Variants in SLC25A25 observed in about 807,000 individuals in gnomAD.
SLC25A25 encodes the protein mitochondrial adenyl nucleotide antiporter SLC25A25.
A neutral mutation model predicts 57.7 loss-of-function variants in SLC25A25; 32 were observed. The ratio of observed to expected loss-of-function variants is 0.55; its 90% CI spans 0.42 to 0.74. SLC25A25 has a LOEUF of 0.74. SLC25A25 is among the 30% of genes least tolerant of loss of function. SLC25A25 has a pLI of 0.00. For missense variants in SLC25A25, 556 were observed against 701.3 expected (o/e 0.79, Z 2.34); for synonymous variants, 306 against 291.2 (o/e 1.05, Z -0.52).
In SLC25A25 at chr9:128,106,926, C is replaced by T. The variant is rs113048465; in HGVS notation, c.1213-103C>T. 72 of 1,411,400 alleles carry T rather than the reference C, an allele frequency of 5.1e-5. No homozygotes were observed. The East Asian group carries it at 9.4e-4, about 19-fold the overall frequency. 87.4% of individuals were successfully genotyped at this position (1,411,400 alleles called of 1,614,324 possible). On this transcript the variant is annotated intron_variant, in intron 9 of 10. Transcript: ENST00000373069. ...TAGGAGCCCAGCCAGGCCCCAGGCG[C>T]GGCAGTCGGGTTCCAGTGGCCTGAG... is the stretch of plus-strand genomic sequence containing the variant.
At chr9:128,091,392 A>G in intron 1 of SLC25A25, 1 of 974,910 alleles carries the variant, frequency 1.0e-6, no homozygotes, top group South Asian at 4.7e-5. Flanking sequence ...TAGTGTCGGC[A>G]GAGGTGATTG....
chr9:128,076,480 T>A (rs1588748978), intron 1 of SLC25A25, among the ~76,000 whole-genome samples: 2 of 138,512 alleles, frequency 1.4e-5, no homozygotes, highest in South Asian at 4.5e-4. Context: ...TTTTATTTTT[T>A]TTTGAGACAG....
Position 128,107,425 on chromosome 9 carries a change from T to C in SLC25A25, c.1529T>C (p.Leu510Pro), listed in dbSNP as rs1834097045. The stretch of plus-strand genomic sequence containing the variant: ...GTCTACGAGAACCTGAAGATCACCC[T>C]GGGCGTGCAGTCGCGGTGACGGGGG... ...YVVYENLKIT[L>P]GVQSR Residue 510 changes from leucine (L) to proline (P), a missense_variant, in exon 11 of 11, where the codon CTG becomes CCG. This residue lies in a region of SLC25A25 where 294 missense variants were observed against 389.6 expected (regional missense o/e 0.75). Transcript: ENST00000373069. 1 of 1,507,552 alleles carries C rather than the reference T, an allele frequency of 6.6e-7. No individual in the cohort carries two copies. The highest frequency in any genetic ancestry group is 1.4e-5 in the African/African-American group (1 of 71,510). 93.4% of individuals were successfully genotyped at this position (1,507,552 alleles called of 1,614,324 possible). A position where few individuals can be genotyped will look rare whatever the true frequency, so the allele number is the denominator to read the frequency against.
At chr9:128,091,501 T>A in intron 1 of SLC25A25, 1 of 988,688 alleles carries the variant, frequency 1.0e-6, no homozygotes, top group African/African-American at 1.7e-5. Context: ...CGAAGTTGCT[T>A]GCTGCCTCCG....
At chr9:128,074,048 T>TG (rs1554731076) in intron 1 of SLC25A25, among the ~76,000 whole-genome samples, 2 of 150,682 alleles carry the variant, frequency 1.3e-5, no homozygotes, top group Non-Finnish European at 3.0e-5. Flanking sequence ...GAAGATTTTT[T>TG]TGTGTGTGTG....
chr9:128,101,350 T>C lies in SLC25A25; in HGVS notation c.430T>C (p.Leu144=). 22 of 1,614,244 alleles carry C rather than the reference T, an allele frequency of 1.4e-5. No homozygotes were observed. The highest frequency in any genetic ancestry group is 1.9e-5 in the Non-Finnish European group (22 of 1,180,048). Reference sequence around the variant, plus strand: ...GGAGATCATGCAGTCCCTGCGGGACTTGGGAGTCAAGATATCTGAACAGCA... The same window carrying C: ...GGAGATCATGCAGTCCCTGCGGGACCTGGGAGTCAAGATATCTGAACAGCA... ...AQEIMQSLRD[L]GVKISEQQAE... is the part of the protein sequence containing the mutation. The change falls in exon 3 of 11, where the codon TTG becomes CTG. Residue 144 remains leucine, a synonymous_variant. Coordinates refer to ENST00000373069, the MANE Select transcript of SLC25A25 (RefSeq NM_001330988.2). The surrounding 1 kb of genome is among the most constrained non-coding windows in gnomAD (Gnocchi z 4.9).
In SLC25A25 at chr9:128,101,124, T is replaced by C; in HGVS notation, c.290T>C (p.Leu97Pro). Reference sequence around the variant, plus strand: ...ATTGTACAAGCTGGAGATAAGGACCTTGATGGGCAGCTAGACTTTGAAGAA... The same window carrying C: ...ATTGTACAAGCTGGAGATAAGGACCCTGATGGGCAGCTAGACTTTGAAGAA... Reference protein sequence around the residue: ...QKIVQAGDKDLDGQLDFEEFV... With the variant: ...QKIVQAGDKDPDGQLDFEEFV... Residue 97 changes from leucine to proline, a missense_variant, in exon 2 of 11, where the codon CTT becomes CCT. Leu to Pro is a moderately conservative substitution (Grantham distance 98). Transcript: ENST00000373069. The surrounding 1 kb of genome is among the most constrained non-coding windows in gnomAD (Gnocchi z 4.9). 6.2e-7 allele frequency: 1 copy of C among 1,614,220 alleles called. No homozygotes were observed. The highest frequency in any genetic ancestry group is 8.5e-7 in the Non-Finnish European group (1 of 1,180,042).
intron 1 of SLC25A25, among the ~76,000 whole-genome samples, chr9:128,087,868 G>A (rs552121843): frequency 6.6e-6 from 1 of 152,310 alleles, no homozygotes; most frequent in Non-Finnish European, 1.5e-5. Flanking sequence ...AGAGTTTGAG[G>A]TGGAGCTTTT....
chr9:128,068,317 C>T lies in SLC25A25; in HGVS notation c.-3C>T, dbSNP rs759934351. 7.8e-5 allele frequency: 110 copies of T among 1,418,220 alleles called. No homozygotes were observed. Among genetic ancestry groups the T allele is most frequent in the Non-Finnish European group, 9.9e-5 (108 of 1,087,736 alleles). The allele number at this position is 1,418,220 out of a possible 1,614,324, so 87.9% of individuals were successfully genotyped here. On this transcript the variant is annotated 5_prime_UTR_variant, in exon 1 of 11. Coordinates refer to ENST00000373069, the MANE Select transcript of SLC25A25 (RefSeq NM_001330988.2). ...CGCGCCCGGAGCCCCTGCCTCGCGC[C>T]CGATGGTGAGCAGTGTGTTGTGCCG... is the stretch of plus-strand genomic sequence containing the variant.
intron 1 of SLC25A25, among the ~76,000 whole-genome samples, chr9:128,076,462 ATTTTTAT>A (rs1564178002): frequency 1.1e-4 from 11 of 97,662 alleles, no homozygotes; most frequent in African/African-American, 5.1e-4. Flanking sequence ...TTTTATTTTT[ATTTTTAT>A]TTTTATTTTT....
At position 128,108,465 on chromosome 9, in the gene SLC25A25, C is replaced by T. The variant is rs1326921615; in HGVS notation, c.*1021C>T. 7 of 392,396 alleles carry T rather than the reference C, an allele frequency of 1.8e-5. No individual in the cohort carries two copies. Among genetic ancestry groups the T allele is most frequent in the African/African-American group, 4.1e-5 (2 of 48,506 alleles). 24.3% of individuals were successfully genotyped at this position (392,396 alleles called of 1,614,324 possible). A position where few individuals can be genotyped will look rare whatever the true frequency, so the allele number is the denominator to read the frequency against. Reference sequence around the variant, plus strand: ...GGTTCCTGTCCAACCCCAGCAGGGGCGCAGCGGGACCAGCCCCACATTCCA... The same window carrying T: ...GGTTCCTGTCCAACCCCAGCAGGGGTGCAGCGGGACCAGCCCCACATTCCA... On this transcript the variant is annotated 3_prime_UTR_variant, in exon 11 of 11. Transcript: ENST00000373069.
Position 128,103,976 on chromosome 9 carries a change from T to A in SLC25A25, c.783+137T>A. On this transcript the variant is annotated intron_variant, in intron 6 of 10. Transcript: ENST00000373069. This position sits in a 1 kb window ranked among gnomAD's most constrained non-coding sequence, Gnocchi z 6.7. ...CTAACCCAATAAATTAGACTAGAAT[T>A]ATTGCTCAGACAGGGGGTACCAAAA... 1 of 891,926 alleles carries A rather than the reference T, an allele frequency of 1.1e-6. No individual in the cohort carries two copies. The highest frequency in any genetic ancestry group is 1.6e-6 in the Non-Finnish European group (1 of 616,214). The allele number at this position is 891,926 out of a possible 1,614,324, so 55.3% of individuals were successfully genotyped here. A position where few individuals can be genotyped will look rare whatever the true frequency, so the allele number is the denominator to read the frequency against.
In SLC25A25 at chr9:128,102,209, T is replaced by G; in HGVS notation, c.512+94T>G. The G allele has an allele frequency of 6.7e-7, 1 of 1,500,246 alleles. No homozygotes were observed. Among genetic ancestry groups the G allele is most frequent in the South Asian group, 1.2e-5 (1 of 83,204 alleles). The allele number at this position is 1,500,246 out of a possible 1,614,324, so 92.9% of individuals were successfully genotyped here. On this transcript the variant is annotated intron_variant, in intron 4 of 10. Coordinates refer to ENST00000373069, the MANE Select transcript of SLC25A25 (RefSeq NM_001330988.2). This position sits in a 1 kb window ranked among gnomAD's most constrained non-coding sequence, Gnocchi z 4.1. The stretch of plus-strand genomic sequence containing the variant: ...GGCCATTATATTGCCATTGTTGTGC[T>G]AAGTGGGGTGTGGAGCCCCCTGCTC...
At position 128,098,873 on chromosome 9, in the gene SLC25A25, G is replaced by A. The variant is rs564494501; in HGVS notation, c.262-2223G>A. 107 of 1,482,928 alleles carry A rather than the reference G, an allele frequency of 7.2e-5. No homozygotes were observed. In the South Asian group the frequency reaches 1.1e-3, roughly 15 times the overall value. 91.9% of individuals were successfully genotyped at this position (1,482,928 alleles called of 1,614,324 possible). A position where few individuals can be genotyped will look rare whatever the true frequency, so the allele number is the denominator to read the frequency against. ...TTCCCATTGCCATGCGGCTATGGCC[G>A]GCACGTGTACGTCACAGGAGTGACC... On this transcript the variant is annotated intron_variant, in intron 1 of 10. Coordinates refer to ENST00000373069, the MANE Select transcript of SLC25A25 (RefSeq NM_001330988.2).
At position 128,089,845 on chromosome 9, in the gene SLC25A25, G is replaced by A. The variant is rs181119918; in HGVS notation, c.262-11251G>A. 2.2e-4 allele frequency among the ~76,000 whole-genome samples: 34 copies of A among 152,022 alleles called. No individual in the cohort carries two copies. The East Asian group carries it at 5.8e-3, about 26-fold the overall frequency. Reference sequence around the variant, plus strand: ...GAGGCAGGTTTCTCCACATTGTCCAGGCTGGTCTCAGACTCGTCGGCTCAG... The same window carrying A: ...GAGGCAGGTTTCTCCACATTGTCCAAGCTGGTCTCAGACTCGTCGGCTCAG... On this transcript the variant is annotated intron_variant, in intron 1 of 10. Transcript: ENST00000373069.
In SLC25A25 at chr9:128,079,271, C is replaced by T. The variant is rs138861516; in HGVS notation, c.261+10691C>T. Among the ~76,000 whole-genome samples, 100 of 152,172 alleles carry T rather than the reference C, an allele frequency of 6.6e-4. 1 individual carries two copies. The highest frequency in any genetic ancestry group is 5.0e-3 in the Admixed American group (76 of 15,264). ...TGAAGCTTTCAGTGTTGTTCCATCA[C>T]ACTCTGGCTCCATACCTTTCCTCCT... On this transcript the variant is annotated intron_variant, in intron 1 of 10. Transcript: ENST00000373069.
chr9:128,102,085 G>T lies in SLC25A25; in HGVS notation c.482G>T (p.Arg161Leu). 6.4e-7 allele frequency: 1 copy of T among 1,550,562 alleles called. No individual in the cohort carries two copies. The highest frequency in any genetic ancestry group is 8.7e-7 in the Non-Finnish European group (1 of 1,146,978). ...ATCCTTTGTCTGTCTGTCAGAATAC[G>T]AACGGGCCATTTCTGGGGCCCTGTC... is the stretch of plus-strand genomic sequence containing the variant. ...QQAEKILKRI[R>L]TGHFWGPVTY... Residue 161 changes from arginine (R) to leucine (L), a missense_variant, in exon 4 of 11, where the codon CGA becomes CTA. By Grantham distance (102) the Arg-to-Leu change is moderately radical. Around this residue, in one of 3 missense-constraint regions of SLC25A25, gnomAD observed 248 missense variants for 273.5 expected, o/e 0.91. Coordinates refer to ENST00000373069, the MANE Select transcript of SLC25A25 (RefSeq NM_001330988.2). This position sits in a 1 kb window ranked among gnomAD's most constrained non-coding sequence, Gnocchi z 4.1.
At chr9:128,098,439 G>T in intron 1 of SLC25A25, 1 of 1,431,390 alleles carries the variant, frequency 7.0e-7, no homozygotes, top group East Asian at 2.5e-5. Context: ...TTAAGTAAAA[G>T]GGCAGGGCTT....
At position 128,077,516 on chromosome 9, in the gene SLC25A25, T is replaced by TAAAA. The variant is rs567869070; in HGVS notation, c.261+8946_261+8949dup. 1.4e-3 allele frequency among the ~76,000 whole-genome samples: 138 copies of TAAAA among 100,330 alleles called. 7 individuals are homozygous for TAAAA. The East Asian group carries it at 0.026, about 19-fold the overall frequency. 65.8% of individuals were successfully genotyped at this position (100,330 alleles called of 152,430 possible). A position where few individuals can be genotyped will look rare whatever the true frequency, so the allele number is the denominator to read the frequency against. On this transcript the variant is annotated intron_variant, in intron 1 of 10. Coordinates refer to ENST00000373069, the MANE Select transcript of SLC25A25 (RefSeq NM_001330988.2). ...TGGGCGACAGAGCAAGACTCCGTCT[T>TAAAA]AAAAAAAAAAAAAGCCAGTCGCAAA...
Sources: allele counts gnomAD v4.1 joint callset (sites outside exome capture counted in the v4.1 genomes callset), GRCh38; gene constraint gnomAD v4.1.1; regional missense constraint gnomAD v4.1.1; non-coding constraint Gnocchi (gnomAD v3.1); transcripts MANE v1.5; gene names NCBI Gene and HGNC (gene_info 2026-07-23, HGNC 2026-07-21).